Variants in FBXW10B observed in about 807,000 individuals in gnomAD.
The protein encoded by FBXW10B is F-box and WD repeat domain containing 10B, also known as F-box and WD repeat domain containing protein 10B.
At chr17:15,600,804 C>T in the FBXW10B span, among the ~76,000 whole-genome samples, 1 of 152,022 alleles carries the variant, frequency 6.6e-6, no homozygotes, top group Admixed American at 6.6e-5. Context: ...AATTCCAGCA[C>T]TTTGGTAGGC....
the FBXW10B span, among the ~76,000 whole-genome samples, chr17:15,597,641 T>A: frequency 3.3e-5 from 5 of 151,080 alleles, no homozygotes; most frequent in Non-Finnish European, 7.4e-5. Flanking sequence ...CAAAAAAAAA[T>A]AAAAATAAAA....
chr17:15,565,806 G>C, the FBXW10B span: 3 of 1,613,762 alleles, frequency 1.9e-6, no homozygotes, highest in Non-Finnish European at 2.5e-6. Context: ...TAAGAGACAG[G>C]GTGGCTGTGC....
chr17:15,598,823 C>T, the FBXW10B span: 96 of 1,152,110 alleles, frequency 8.3e-5, no homozygotes, highest in Middle Eastern at 5.7e-4. Context: ...TTTGGTGTAA[C>T]TTTGAGGAAG....
At chr17:15,571,029 T>A in the FBXW10B span, among the ~76,000 whole-genome samples, 4 of 152,094 alleles carry the variant, frequency 2.6e-5, no homozygotes, top group African/African-American at 9.7e-5. Context: ...AGTCTTAAAC[T>A]CATTAAGAAA....
the FBXW10B span, chr17:15,588,901 G>T: frequency 6.2e-7 from 1 of 1,614,080 alleles, no homozygotes; most frequent in East Asian, 2.2e-5. Flanking sequence ...TCCAGGAGTT[G>T]CCATTCTGAC....
chr17:15,618,486 C>T, the FBXW10B span, among the ~76,000 whole-genome samples: 5 of 151,504 alleles, frequency 3.3e-5, no homozygotes, highest in African/African-American at 4.9e-5. Context: ...CTTAAGCTAT[C>T]TCCAGCCTTG....
At chr17:15,591,611 A>T in the FBXW10B span, among the ~76,000 whole-genome samples, 1 of 152,188 alleles carries the variant, frequency 6.6e-6, no homozygotes, top group Non-Finnish European at 1.5e-5. Flanking sequence ...CTTTTAAATG[A>T]ATTTCTGTTC....
the FBXW10B span, chr17:15,614,175 T>C: frequency 9.5e-7 from 1 of 1,057,258 alleles, no homozygotes; most frequent in Non-Finnish European, 1.4e-6. Context: ...TTGTCATCTC[T>C]TCTGCCACTT....
the FBXW10B span, among the ~76,000 whole-genome samples, chr17:15,595,976 T>A: frequency 2.3e-4 from 35 of 150,920 alleles, no homozygotes; most frequent in African/African-American, 8.1e-4. Context: ...CCTCCCTGAT[T>A]CAAGCAATTT....
the FBXW10B span, among the ~76,000 whole-genome samples, chr17:15,571,020 G>A: frequency 6.6e-6 from 1 of 151,888 alleles, no homozygotes; most frequent in Non-Finnish European, 1.5e-5. Context: ...ATAGAAAGAA[G>A]TCTTAAACTC....
the FBXW10B span, among the ~76,000 whole-genome samples, chr17:15,570,831 A>G: frequency 4.0e-3 from 606 of 151,834 alleles, 5 homozygotes; most frequent in African/African-American, 0.014. Flanking sequence ...TGGGCTCGGC[A>G]GAGGACTCTT....
the FBXW10B span, chr17:15,594,463 T>C: frequency 2.2e-5 from 7 of 324,708 alleles, no homozygotes; most frequent in African/African-American, 6.1e-5. Context: ...AGAGCGAGAC[T>C]CTGTCTCAAA....
chr17:15,581,640 CA>C, the FBXW10B span, among the ~76,000 whole-genome samples: 2 of 151,600 alleles, frequency 1.3e-5, no homozygotes, highest in Non-Finnish European at 2.9e-5. Flanking sequence ...AGGCCGGCCG[CA>C]GTCAGCACTG....
the FBXW10B span, among the ~76,000 whole-genome samples, chr17:15,614,364 A>ATT: frequency 6.9e-6 from 1 of 145,078 alleles, no homozygotes; most frequent in Non-Finnish European, 1.5e-5. Flanking sequence ...AATTTTTTGT[A>ATT]TTTTTTTTTT....
chr17:15,568,003 CA>C, the FBXW10B span, among the ~76,000 whole-genome samples: 12 of 151,954 alleles, frequency 7.9e-5, no homozygotes, highest in Non-Finnish European at 1.8e-4. Context: ...AGTTGGTAGG[CA>C]AAAAATACTC....
At chr17:15,610,341 T>G in the FBXW10B span, among the ~76,000 whole-genome samples, 1 of 151,548 alleles carries the variant, frequency 6.6e-6, no homozygotes. Context: ...GTTTATCAGA[T>G]GCTTGGACTG....
chr17:15,590,675 C>A, the FBXW10B span, among the ~76,000 whole-genome samples: 1 of 150,108 alleles, frequency 6.7e-6, no homozygotes, highest in African/African-American at 2.5e-5. Context: ...CAACTGTCCT[C>A]TTCCCTCTTA....
the FBXW10B span, among the ~76,000 whole-genome samples, chr17:15,582,020 A>AT: frequency 3.6e-3 from 551 of 152,292 alleles, 7 homozygotes; most frequent in Admixed American, 0.015. Context: ...ACTAATAAAA[A>AT]AAACATATTT....
chr17:15,570,165 C>T, the FBXW10B span, among the ~76,000 whole-genome samples: 1 of 152,022 alleles, frequency 6.6e-6, no homozygotes. Context: ...GAAATGACCT[C>T]CTAGGTGGGA....
Sources: gnomAD v4.1 joint callset for allele counts (sites outside exome capture counted in the v4.1 genomes callset) on GRCh38, gnomAD v4.1.1 for gene constraint, MANE v1.5 for transcripts, NCBI Gene and HGNC (gene_info 2026-07-23, HGNC 2026-07-21) for gene names.